The following ALLC variants were observed in gnomAD, a reference collection of about 807,000 sequenced individuals.
The protein encoded by ALLC is allantoicase.
Under a neutral mutation model 45.0 loss-of-function variants are expected in ALLC, and 40 were observed. The observed-to-expected ratio is 0.89, with a 90% confidence interval of 0.69 to 1.16. The LOEUF (loss-of-function observed/expected upper bound fraction) is 1.16, where lower values mean the gene tolerates loss of function less well. Ranked by LOEUF, ALLC falls within the 50% of genes most tolerant of loss-of-function variation. The pLI is 0.00. For synonymous variants in ALLC, 176 were observed against 178.1 expected, an observed-to-expected ratio of 0.99 and a Z score of 0.09; for missense variants, 488 against 493.1, an observed-to-expected ratio of 0.99 and a Z score of 0.10.
intron 7 of ALLC, chr2:3,688,538 C>A: frequency 5.1e-6 from 1 of 194,322 alleles, no homozygotes. Context: ...GTGTATGAGG[C>A]ACTACTAAGG....
the ALLC span, among the ~76,000 whole-genome samples, chr2:3,647,294 A>G: frequency 8.1e-6 from 1 of 123,364 alleles, no homozygotes; most frequent in Non-Finnish European, 1.7e-5. Flanking sequence ...GCCTTTTTCA[A>G]GAGCATGCAC....
chr2:3,660,908 A>ATG (rs1666558990), intron 1 of ALLC, among the ~76,000 whole-genome samples: 2 of 111,608 alleles, frequency 1.8e-5, no homozygotes, highest in African/African-American at 9.1e-5. Context: ...CAGGTGATCA[A>ATG]AAAAGGTTGC....
intron 3 of ALLC, 25 bp downstream of exon 3, chr2:3,674,150 TGTAAAG>T (rs1666963517): frequency 2.7e-6 from 4 of 1,505,794 alleles, no homozygotes; most frequent in Non-Finnish European, 3.6e-6. Flanking sequence ...CATTCTGCAA[TGTAAAG>T]GGTTGATGTA....
intron 2 of ALLC, among the ~76,000 whole-genome samples, chr2:3,671,736 A>T (rs1666877511): frequency 6.9e-6 from 1 of 145,664 alleles, no homozygotes; most frequent in Non-Finnish European, 1.5e-5. Context: ...GTTAGATGGG[A>T]GGTCCTCTGG....
chr2:3,680,631 G>T lies in ALLC; in HGVS notation c.298+637G>T, dbSNP rs181282909. 6.6e-6 allele frequency among the ~76,000 whole-genome samples: 1 copy of T among 152,206 alleles called. No homozygotes were observed. The highest frequency in any genetic ancestry group is 1.5e-5 in the Non-Finnish European group (1 of 68,040). Reference sequence around the variant, plus strand: ...ATTGGGGGAACTTACGGACAGAAGCGTGGCCTTGGGCAGCAGCGAGATGGG... The same window carrying T: ...ATTGGGGGAACTTACGGACAGAAGCTTGGCCTTGGGCAGCAGCGAGATGGG... On this transcript the variant is annotated intron_variant, in intron 5 of 11. Transcript: ENST00000252505. The surrounding 1 kb of genome is among the most constrained non-coding windows in gnomAD (Gnocchi z 4.0).
intron 10 of ALLC, among the ~76,000 whole-genome samples, chr2:3,697,699 T>TCACC (rs1667718149): frequency 1.3e-5 from 2 of 152,114 alleles, no homozygotes; most frequent in Non-Finnish European, 2.9e-5. Context: ...GGAGTCTTGC[T>TCACC]GTGTCGCCCA....
At chr2:3,675,692 G>GA (rs1431096276) in intron 3 of ALLC, among the ~76,000 whole-genome samples, 4 of 151,604 alleles carry the variant, frequency 2.6e-5, no homozygotes, top group Non-Finnish European at 5.9e-5. Context: ...TCTCCTTTTT[G>GA]AAAAAAATAA....
chr2:3,648,064 T>G, the ALLC span, among the ~76,000 whole-genome samples: 1 of 152,122 alleles, frequency 6.6e-6, no homozygotes, highest in Non-Finnish European at 1.5e-5. Flanking sequence ...GTGGGTGTCC[T>G]GGGGACAGCA....
upstream of ALLC, among the ~76,000 whole-genome samples, chr2:3,656,055 A>G (rs1666431863): frequency 6.6e-6 from 1 of 152,296 alleles, no homozygotes; most frequent in Admixed American, 6.5e-5. Flanking sequence ...AAGAGTGGAC[A>G]TTTCCTCAAC....
At position 3,671,050 on chromosome 2, in the gene ALLC, A is replaced by C. The variant is rs1572510415; in HGVS notation, c.-62-46A>C. The C allele has an allele frequency of 4.2e-6, 5 of 1,190,916 alleles. No homozygotes were observed. The Admixed American group carries it at 6.1e-5, about 14-fold the overall frequency. The allele number at this position is 1,190,916 out of a possible 1,614,324, so 73.8% of individuals were successfully genotyped here. The stretch of plus-strand genomic sequence containing the variant: ...CAGGAGCCTAGACGGGGCCTCACTC[A>C]CTCCCGCAGCCCCCAAGGTTGACCG... On this transcript the variant is annotated intron_variant, in intron 1 of 11. Transcript: ENST00000252505.
In ALLC at chr2:3,697,534, G is replaced by A. The variant is rs545113099; in HGVS notation, c.850+78G>A. The A allele has an allele frequency of 1.4e-5, 16 of 1,171,254 alleles. No individual in the cohort carries two copies. The East Asian group carries it at 3.8e-4, about 28-fold the overall frequency. The allele number at this position is 1,171,254 out of a possible 1,614,324, so 72.6% of individuals were successfully genotyped here. Reference sequence around the variant, plus strand: ...GACTGAGTTCTATGGAAGTGGGACTGAGGACACTGGACTTTCGGTGTGGAT... The same window carrying A: ...GACTGAGTTCTATGGAAGTGGGACTAAGGACACTGGACTTTCGGTGTGGAT... On this transcript the variant is annotated intron_variant, in intron 10 of 11. Transcript: ENST00000252505.
intron 7 of ALLC, among the ~76,000 whole-genome samples, chr2:3,693,600 A>T (rs1667578260): frequency 6.6e-6 from 1 of 152,214 alleles, no homozygotes; most frequent in Non-Finnish European, 1.5e-5. Flanking sequence ...GTGAGTCCAG[A>T]TTGTCATTTT....
chr2:3,657,149 T>C (rs915323309), upstream of ALLC, among the ~76,000 whole-genome samples: 3 of 151,728 alleles, frequency 2.0e-5, no homozygotes, highest in African/African-American at 7.3e-5. Context: ...AAACATGGAC[T>C]CAAAGGCCGG....
intron 1 of ALLC, among the ~76,000 whole-genome samples, chr2:3,660,188 C>T (rs1267199352): frequency 6.6e-6 from 1 of 152,162 alleles, no homozygotes. Context: ...CTGGTGAGAG[C>T]TGCTTGTTAG....
chr2:3,693,805 T>C (rs952197677), intron 7 of ALLC, among the ~76,000 whole-genome samples: 13 of 152,132 alleles, frequency 8.5e-5, no homozygotes, highest in African/African-American at 3.1e-4. Context: ...CTGGCCAACA[T>C]GGGGAAACCT....
intron 7 of ALLC, among the ~76,000 whole-genome samples, chr2:3,684,197 A>C (rs781374317): frequency 3.3e-5 from 5 of 152,150 alleles, no homozygotes; most frequent in Non-Finnish European, 5.9e-5. Context: ...ACTATTTTAC[A>C]TTCTTAACAG....
chr2:3,661,110 T>G (rs1666565890), intron 1 of ALLC, among the ~76,000 whole-genome samples: 2 of 152,158 alleles, frequency 1.3e-5, no homozygotes, highest in Admixed American at 1.3e-4. Context: ...CCCTCCCTGT[T>G]CATTAGCTGA....
chr2:3,682,112 GT>G (rs970965894), intron 6 of ALLC, among the ~76,000 whole-genome samples: 22 of 152,076 alleles, frequency 1.4e-4, no homozygotes, highest in African/African-American at 5.1e-4. Flanking sequence ...GTACATTCTT[GT>G]TTTTTTAATG....
chr2:3,681,964 G>A (rs557038926), intron 6 of ALLC, among the ~76,000 whole-genome samples: 2 of 152,218 alleles, frequency 1.3e-5, no homozygotes, highest in South Asian at 2.1e-4. Context: ...TGCTGGCCCC[G>A]ATAAGCACAC....
Sources: gnomAD v4.1 joint callset for allele counts (sites outside exome capture counted in the v4.1 genomes callset) on GRCh38, gnomAD v4.1.1 for gene constraint, Gnocchi (gnomAD v3.1) non-coding constraint, MANE v1.5 for transcripts, NCBI Gene and HGNC (gene_info 2026-07-23, HGNC 2026-07-21) for gene names.